The following SEMA6A variants were observed in gnomAD, a reference collection of about 807,000 sequenced individuals.
SEMA6A encodes semaphorin 6A, also known as semaphorin-6A.
SEMA6A carries 25 observed loss-of-function variants against 96.8 expected under a neutral mutation model. The observed-to-expected ratio is 0.26, with a 90% CI of 0.19 to 0.36. SEMA6A has a LOEUF of 0.36. Among genes scored for constraint, SEMA6A ranks in the 10% least tolerant of loss-of-function variants. The pLI is 1.00. For missense variants in SEMA6A, 1,363 were observed against 1,323.1 expected, an observed-to-expected ratio of 1.03 and a Z score of -0.47; for synonymous variants, 612 against 518.0, an observed-to-expected ratio of 1.18 and a Z score of -2.46.
At chr5:116,512,360 T>C (rs1167914111) in intron 1 of SEMA6A, among the ~76,000 whole-genome samples, 1 of 152,166 alleles carries the variant, frequency 6.6e-6, no homozygotes. Flanking sequence ...TGGTCTTTCT[T>C]TCCTCCTTCT....
intron 18 of SEMA6A, among the ~76,000 whole-genome samples, chr5:116,460,781 CTCTTTT>C (rs1755339746): frequency 1.9e-5 from 2 of 106,204 alleles, no homozygotes; most frequent in East Asian, 2.4e-4. Context: ...AATTGTTAAT[CTCTTTT>C]TTTTTTTTTT....
intron 7 of SEMA6A, among the ~76,000 whole-genome samples, chr5:116,491,316 A>C (rs946042649): frequency 6.6e-6 from 1 of 152,208 alleles, no homozygotes; most frequent in Non-Finnish European, 1.5e-5. Flanking sequence ...ATGGGAATGA[A>C]AAGGAGCTGC....
At chr5:116,546,949 G>T (rs1036032324) in intron 1 of SEMA6A, among the ~76,000 whole-genome samples, 8 of 152,088 alleles carry the variant, frequency 5.3e-5, no homozygotes, top group African/African-American at 1.9e-4. Flanking sequence ...TTTCCATATA[G>T]ATTCTCATGA....
chr5:116,455,467 C>G (rs1004568603), intron 18 of SEMA6A, among the ~76,000 whole-genome samples: 3 of 152,184 alleles, frequency 2.0e-5, no homozygotes, highest in Non-Finnish European at 4.4e-5. Flanking sequence ...ACGAGAAACA[C>G]AACATCTAAG....
At chr5:116,473,562 G>A (rs868000809) in intron 16 of SEMA6A, among the ~76,000 whole-genome samples, 2 of 152,264 alleles carry the variant, frequency 1.3e-5, no homozygotes, top group Middle Eastern at 3.4e-3. Context: ...TTTTAGTTTG[G>A]AAGTTAAAAC....
intron 1 of SEMA6A, among the ~76,000 whole-genome samples, chr5:116,529,974 A>G (rs78618627): frequency 0.013 from 2,030 of 152,274 alleles, 44 homozygotes; most frequent in African/African-American, 0.047. Context: ...GCCTGCATGT[A>G]TACCCTCGGA....
intron 1 of SEMA6A, among the ~76,000 whole-genome samples, chr5:116,543,543 C>T (rs17140078): frequency 0.18 from 26,907 of 152,202 alleles, 2,720 homozygotes; most frequent in African/African-American, 0.26. Flanking sequence ...CTAGACCTGT[C>T]ATCTTTTAGA....
At chr5:116,555,366 C>A (rs573573446) in intron 1 of SEMA6A, among the ~76,000 whole-genome samples, 11 of 152,296 alleles carry the variant, frequency 7.2e-5, no homozygotes, top group African/African-American at 2.4e-4. Context: ...ACTTTCCAAT[C>A]TATCCACTTT....
At chr5:116,503,782 T>G (rs1265392305) in intron 2 of SEMA6A, among the ~76,000 whole-genome samples, 1 of 152,140 alleles carries the variant, frequency 6.6e-6, no homozygotes, top group Non-Finnish European at 1.5e-5. Flanking sequence ...CCCAAAGTGC[T>G]GGGATTACAG....
chr5:116,484,369 C>A (rs1475600584), intron 10 of SEMA6A, among the ~76,000 whole-genome samples: 3 of 152,128 alleles, frequency 2.0e-5, no homozygotes, highest in African/African-American at 4.8e-5. Context: ...TCCTTTCTTT[C>A]CTTTCAATTT....
At chr5:116,544,480 T>TA (rs1760104478) in intron 1 of SEMA6A, among the ~76,000 whole-genome samples, 1 of 151,754 alleles carries the variant, frequency 6.6e-6, no homozygotes, top group South Asian at 2.1e-4. Context: ...TTTTTTTTTT[T>TA]AGAGATGGGG....
At position 116,544,482 on chromosome 5, in the gene SEMA6A, GAGATGGGGGTCTCATTATGTTGCCT is replaced by G. The variant is rs561838581; in HGVS notation, c.-39+29678_-39+29702del. Among the ~76,000 whole-genome samples, 391 of 151,076 alleles carry G rather than the reference GAGATGGGGGTCTCATTATGTTGCCT, an allele frequency of 2.6e-3. 1 individual carries two copies. The highest frequency in any genetic ancestry group is 9.0e-3 in the African/African-American group (371 of 41,138). On this transcript the variant is annotated intron_variant, in intron 1 of 18. Transcript: ENST00000343348. ...AATTTTTGAATATTTTTTTTTTTTA[GAGATGGGGGTCTCATTATGTTGCCT>G]AGGCTGGTCTCAAGTTCCTGGGCTC...
rs1198929539 is a variant in SEMA6A, at chr5:116,574,262, T to G, written c.-116A>C. On this transcript the variant is annotated 5_prime_UTR_variant, in exon 1 of 19. It removes the in-frame stop codon of an upstream open reading frame in the 5' UTR. Transcript: ENST00000343348. ...GCGTGTATCCCATTTAGTAATCCATTATCGAGGGGATCTCTCCGGGCCGCG... is the reference window on the plus strand; with the variant it reads ...GCGTGTATCCCATTTAGTAATCCATGATCGAGGGGATCTCTCCGGGCCGCG... 6.6e-6 allele frequency: 1 copy of G among 151,890 alleles called. No homozygotes were observed. Among genetic ancestry groups the G allele is most frequent in the Non-Finnish European group, 1.5e-5 (1 of 67,874 alleles). The allele number at this position is 151,890 out of a possible 1,614,324, so 9.4% of individuals were successfully genotyped here. A position where few individuals can be genotyped will look rare whatever the true frequency, so the allele number is the denominator to read the frequency against.
chr5:116,487,966 A>C (rs1055342998), intron 9 of SEMA6A, 142 bp downstream of exon 9: 2 of 533,316 alleles, frequency 3.8e-6, no homozygotes, highest in Admixed American at 7.2e-5. Flanking sequence ...TACTGTTCTG[A>C]AACAGCAGAT....
At position 116,496,779 on chromosome 5, in the gene SEMA6A, G is replaced by A. The variant is rs1459610054; in HGVS notation, c.280-466C>T. 4.6e-5 allele frequency among the ~76,000 whole-genome samples: 7 copies of A among 152,254 alleles called. No individual in the cohort carries two copies. In the East Asian group the frequency reaches 1.4e-3, roughly 29 times the overall value. ...TCTAGGTGGACAAAGATTTAATTCA[G>A]GTTATACTCCTTCACATAGATTAAT... On this transcript the variant is annotated intron_variant, in intron 4 of 18. Transcript: ENST00000343348.
chr5:116,482,660 G>T (rs553506270), intron 10 of SEMA6A, 85 bp from the exon 11 acceptor site: 128 of 1,399,032 alleles, frequency 9.1e-5, no homozygotes, highest in African/African-American at 9.1e-4. Context: ...AACTTTCCTG[G>T]TACAGCAAAT....
chr5:116,451,350 G>C (rs1231749550), intron 18 of SEMA6A, among the ~76,000 whole-genome samples: 1 of 152,126 alleles, frequency 6.6e-6, no homozygotes, highest in Non-Finnish European at 1.5e-5. Context: ...ATTTGCTATT[G>C]GTCTCCCATG....
chr5:116,567,037 G>A (rs879419340), intron 1 of SEMA6A, among the ~76,000 whole-genome samples: 23 of 152,314 alleles, frequency 1.5e-4, no homozygotes, highest in Admixed American at 7.8e-4. Flanking sequence ...GATTCTAAAT[G>A]TAGGTGCAGA....
At chr5:116,540,333 T>C (rs763905799) in intron 1 of SEMA6A, among the ~76,000 whole-genome samples, 42 of 152,212 alleles carry the variant, frequency 2.8e-4, no homozygotes, top group Non-Finnish European at 5.3e-4. Context: ...CTGCCATCAG[T>C]ACAAACTTAT....
Sources: allele counts gnomAD v4.1 joint callset (sites outside exome capture counted in the v4.1 genomes callset), GRCh38; gene constraint gnomAD v4.1.1; transcripts MANE v1.5; gene names NCBI Gene and HGNC (gene_info 2026-07-23, HGNC 2026-07-21).